The following LRRTM4 variants were observed in gnomAD, a reference collection of about 807,000 sequenced individuals.
LRRTM4 encodes the protein leucine-rich repeat transmembrane neuronal protein 4.
LRRTM4 carries 25 observed loss-of-function variants against 47.6 expected under a neutral mutation model. The ratio of observed to expected loss-of-function variants is 0.53; its 90% CI spans 0.38 to 0.73. The LOEUF is 0.73. Among genes scored for constraint, LRRTM4 ranks in the 30% least tolerant of loss-of-function variants. LRRTM4 has a pLI of 0.00. For synonymous variants in LRRTM4, 311 were observed against 269.5 expected, an observed-to-expected ratio of 1.15 and a Z score of -1.51; for missense variants, 638 against 713.4, an observed-to-expected ratio of 0.89 and a Z score of 1.20.
At chr2:77,057,737 G>C (rs1027636381) in intron 3 of LRRTM4, among the ~76,000 whole-genome samples, 1 of 152,076 alleles carries the variant, frequency 6.6e-6, no homozygotes, top group African/African-American at 2.4e-5. Context: ...ATATGCTTTA[G>C]ATATGCACCT....
At chr2:77,089,214 G>T in intron 3 of LRRTM4, among the ~76,000 whole-genome samples, 2 of 143,690 alleles carry the variant, frequency 1.4e-5, no homozygotes, top group South Asian at 2.2e-4. Flanking sequence ...TCCAGGGACA[G>T]GGCAAGTAAC....
intron 3 of LRRTM4, among the ~76,000 whole-genome samples, chr2:77,509,313 T>A (rs1046512806): frequency 6.6e-6 from 1 of 151,740 alleles, no homozygotes; most frequent in African/African-American, 2.4e-5. Flanking sequence ...TCTGATAAGA[T>A]AGGGAATTTA....
At chr2:77,507,083 A>C (rs1678804850) in intron 3 of LRRTM4, among the ~76,000 whole-genome samples, 1 of 152,002 alleles carries the variant, frequency 6.6e-6, no homozygotes, top group Non-Finnish European at 1.5e-5. Flanking sequence ...TTTATAAATA[A>C]CTTTATGTTT....
At chr2:76,827,258 T>C (rs1234710400) in intron 3 of LRRTM4, among the ~76,000 whole-genome samples, 3 of 151,832 alleles carry the variant, frequency 2.0e-5, no homozygotes, top group Non-Finnish European at 4.4e-5. Flanking sequence ...GTGGACATTT[T>C]AGATAGCAAG....
chr2:76,824,350 A>T (rs1436743143), intron 3 of LRRTM4, among the ~76,000 whole-genome samples: 1 of 151,598 alleles, frequency 6.6e-6, no homozygotes. Flanking sequence ...TACAATTTTT[A>T]ACTTGTGTTT....
At chr2:76,904,545 C>T (rs11892618) in intron 3 of LRRTM4, among the ~76,000 whole-genome samples, 2,174 of 152,292 alleles carry the variant, frequency 0.014, 69 homozygotes, top group South Asian at 0.074. Flanking sequence ...CATTATATAT[C>T]TCTGTCAGTG....
chr2:76,950,227 G>A (rs1184886061), intron 3 of LRRTM4, among the ~76,000 whole-genome samples: 2 of 151,900 alleles, frequency 1.3e-5, no homozygotes, highest in African/African-American at 4.8e-5. Context: ...GTTCTGAAAA[G>A]TAGTCTAAAT....
At chr2:76,797,766 G>T (rs568311787) in intron 3 of LRRTM4, among the ~76,000 whole-genome samples, 31 of 150,576 alleles carry the variant, frequency 2.1e-4, no homozygotes, top group Admixed American at 7.9e-4. Flanking sequence ...AAAGGATGGG[G>T]GAAGATCTAC....
chr2:77,417,919 G>GA (rs1169594034), intron 3 of LRRTM4, among the ~76,000 whole-genome samples: 6 of 151,880 alleles, frequency 4.0e-5, no homozygotes, highest in Admixed American at 3.9e-4. Context: ...AATAAAAAAA[G>GA]AAAAATATAC....
chr2:77,479,305 G>A (rs932051257), intron 3 of LRRTM4, among the ~76,000 whole-genome samples: 2 of 152,126 alleles, frequency 1.3e-5, no homozygotes, highest in African/African-American at 4.8e-5. Flanking sequence ...GAAAGTAAAT[G>A]TGAAAGTCTC....
chr2:77,378,008 G>T (rs902209160), intron 3 of LRRTM4, among the ~76,000 whole-genome samples: 2 of 151,712 alleles, frequency 1.3e-5, no homozygotes, highest in African/African-American at 2.4e-5. Flanking sequence ...GGTAATTTAG[G>T]TTCTCTAGAA....
At chr2:77,075,130 T>C (rs1393351879) in intron 3 of LRRTM4, among the ~76,000 whole-genome samples, 1 of 152,228 alleles carries the variant, frequency 6.6e-6, no homozygotes, top group Non-Finnish European at 1.5e-5. Context: ...AGATAATATG[T>C]GAGCTGTTTC....
chr2:77,401,860 CT>C (rs941348974), intron 3 of LRRTM4, among the ~76,000 whole-genome samples: 3 of 151,918 alleles, frequency 2.0e-5, no homozygotes, highest in Non-Finnish European at 2.9e-5. Flanking sequence ...AGAATTTGAG[CT>C]ATAATGCTAG....
intron 3 of LRRTM4, among the ~76,000 whole-genome samples, chr2:77,352,508 T>C (rs1338525087): frequency 1.3e-5 from 2 of 152,254 alleles, no homozygotes; most frequent in African/African-American, 2.4e-5. Flanking sequence ...GTACTCACTA[T>C]CCCAGGAAAT....
intron 3 of LRRTM4, among the ~76,000 whole-genome samples, chr2:77,039,267 C>A (rs1265890737): frequency 1.3e-5 from 2 of 150,078 alleles, no homozygotes; most frequent in South Asian, 4.2e-4. Flanking sequence ...AAGTCTGAGT[C>A]GGGGACATAT....
Position 76,780,587 on chromosome 2 carries a change from C to T in LRRTM4, c.1552-31671G>A, listed in dbSNP as rs1046781176. ...GCTTCTGCATTCTTCACGTAGTTCT[C>T]GAGCCTTGGTTTTCAGCTCCATCAC... On this transcript the variant is annotated intron_variant, in intron 3 of 3. Coordinates refer to ENST00000409884, the MANE Select transcript of LRRTM4 (RefSeq NM_001134745.3). Among the ~76,000 whole-genome samples, 6 of 151,924 alleles carry T rather than the reference C, an allele frequency of 3.9e-5. No individual in the cohort carries two copies. The Middle Eastern group carries it at 0.01, about 258-fold the overall frequency.
At chr2:77,071,344 G>C (rs1680149574) in intron 3 of LRRTM4, among the ~76,000 whole-genome samples, 1 of 152,040 alleles carries the variant, frequency 6.6e-6, no homozygotes, top group Non-Finnish European at 1.5e-5. Flanking sequence ...TGGTTATCCA[G>C]AGACCTTCAC....
chr2:76,899,096 T>C (rs2103737709), intron 3 of LRRTM4, among the ~76,000 whole-genome samples: 1 of 152,074 alleles, frequency 6.6e-6, no homozygotes, highest in African/African-American at 2.4e-5. Context: ...TGTAACTCCT[T>C]ACATCAAAAT....
chr2:77,459,599 A>G (rs1676698246), intron 3 of LRRTM4, among the ~76,000 whole-genome samples: 1 of 146,112 alleles, frequency 6.8e-6, no homozygotes, highest in South Asian at 2.3e-4. Context: ...AATGAAATTC[A>G]TGACACTTAT....
Sources: allele counts gnomAD v4.1 joint callset (sites outside exome capture counted in the v4.1 genomes callset), GRCh38; gene constraint gnomAD v4.1.1; transcripts MANE v1.5; gene names NCBI Gene and HGNC (gene_info 2026-07-23, HGNC 2026-07-21).